DIP2C: variants seen among roughly 807,000 people sequenced by gnomAD.
DIP2C encodes DIP2 acetate--CoA ligase C (putative), also known as disco-interacting protein 2 homolog C.
A neutral mutation model predicts 192.4 loss-of-function variants in DIP2C; 33 were observed. The observed-to-expected ratio is 0.17, with a 90% confidence interval of 0.13 to 0.23. The LOEUF (loss-of-function observed/expected upper bound fraction) is 0.23, where lower values mean the gene tolerates loss of function less well. Ranked by LOEUF, DIP2C falls within the 10% of genes least tolerant of loss-of-function variation. The probability of loss-of-function intolerance (pLI) is 1.00; values close to 1 mark genes in which losing one functional copy is unlikely to be tolerated. For synonymous variants in DIP2C, 979 were observed against 864.1 expected, an observed-to-expected ratio of 1.13 and a Z score of -2.33; for missense variants, 1,537 against 2,110.1, an observed-to-expected ratio of 0.73 and a Z score of 5.32.
chr10:510,150 CTGAG>C (rs1413258182), intron 1 of DIP2C, among the ~76,000 whole-genome samples: 18 of 152,236 alleles, frequency 1.2e-4, no homozygotes, highest in Non-Finnish European at 2.6e-4. Flanking sequence ...CTGAAACTGA[CTGAG>C]TCCCTTCTAG....
At chr10:605,486 G>A (rs1413809427) in intron 1 of DIP2C, among the ~76,000 whole-genome samples, 5 of 152,080 alleles carry the variant, frequency 3.3e-5, no homozygotes, top group Non-Finnish European at 5.9e-5. Flanking sequence ...CCCGCCCTTC[G>A]CACCACATAA....
At chr10:646,876 T>C (rs1296939128) in intron 1 of DIP2C, among the ~76,000 whole-genome samples, 3 of 152,232 alleles carry the variant, frequency 2.0e-5, no homozygotes, top group African/African-American at 7.2e-5. Context: ...ACAGACTCGG[T>C]TGGTAATTTC....
At chr10:315,077 T>C (rs1260844776) in intron 31 of DIP2C, among the ~76,000 whole-genome samples, 1 of 152,238 alleles carries the variant, frequency 6.6e-6, no homozygotes, top group Non-Finnish European at 1.5e-5. Context: ...TGTGTATTTT[T>C]TGAATGATTT....
chr10:356,246 A>T, intron 24 of DIP2C, 180 bp downstream of exon 24: 1 of 724,896 alleles, frequency 1.4e-6, no homozygotes, highest in Non-Finnish European at 2.4e-6. Context: ...ATAACTGCAC[A>T]AATGGTTACG....
intron 1 of DIP2C, among the ~76,000 whole-genome samples, chr10:570,697 G>A (rs1588483730): frequency 6.6e-6 from 1 of 152,312 alleles, no homozygotes; most frequent in East Asian, 1.9e-4. Context: ...CCATCCAACT[G>A]ATTAAAGTCT....
intron 4 of DIP2C, among the ~76,000 whole-genome samples, chr10:436,124 C>G (rs1401655609): frequency 2.6e-5 from 4 of 152,234 alleles, no homozygotes; most frequent in African/African-American, 9.6e-5. Flanking sequence ...ACCGGGCGCA[C>G]TTCATGTACT....
chr10:477,615 G>A (rs1252926305), intron 2 of DIP2C, among the ~76,000 whole-genome samples: 1 of 100,368 alleles, frequency 1.0e-5, no homozygotes, highest in African/African-American at 3.5e-5. Flanking sequence ...GTGGATGGGT[G>A]GGAGGAAGGT....
chr10:383,735 G>A (rs1405091518), intron 16 of DIP2C, among the ~76,000 whole-genome samples: 1 of 152,096 alleles, frequency 6.6e-6, no homozygotes, highest in Non-Finnish European at 1.5e-5. Flanking sequence ...GTCAGCAAAG[G>A]AACTTTCTCT....
At chr10:309,745 T>G (rs979237574) in intron 32 of DIP2C, among the ~76,000 whole-genome samples, 4 of 151,954 alleles carry the variant, frequency 2.6e-5, no homozygotes, top group Non-Finnish European at 5.9e-5. Context: ...GAGACGGGGC[T>G]TTACCATGTT....
At chr10:437,955 G>C (rs138904090) in intron 4 of DIP2C, 14 of 152,296 alleles carry the variant, frequency 9.2e-5, no homozygotes, top group African/African-American at 3.4e-4. Context: ...AGTAAGCAGG[G>C]TAATAAACAT....
intron 31 of DIP2C, among the ~76,000 whole-genome samples, chr10:310,803 A>G (rs953140273): frequency 6.6e-6 from 1 of 152,216 alleles, no homozygotes; most frequent in Non-Finnish European, 1.5e-5. Context: ...TACACAGAAG[A>G]GCAGCATCAC....
intron 10 of DIP2C, among the ~76,000 whole-genome samples, chr10:396,663 T>C (rs553699708): frequency 6.6e-6 from 1 of 151,672 alleles, no homozygotes; most frequent in East Asian, 2.0e-4. Flanking sequence ...AGGACTGGGG[T>C]TAACTATAGT....
chr10:636,748 C>A lies in DIP2C; in HGVS notation c.85+52746G>T, dbSNP rs1297391904. On this transcript the variant is annotated intron_variant, in intron 1 of 36. Transcript: ENST00000280886. This position sits in a 1 kb window ranked among gnomAD's most constrained non-coding sequence, Gnocchi z 4.6. ...TCGAGAGTCTGGGGCCAACGTCCTGCAGAACGTCCCCCAGATGCATCTGTC... is the reference window on the plus strand; with the variant it reads ...TCGAGAGTCTGGGGCCAACGTCCTGAAGAACGTCCCCCAGATGCATCTGTC... Among the ~76,000 whole-genome samples, 1 of 152,224 alleles carries A rather than the reference C, an allele frequency of 6.6e-6. No homozygotes were observed. The highest frequency in any genetic ancestry group is 1.5e-5 in the Non-Finnish European group (1 of 68,048).
rs187729008 is a variant in DIP2C, at chr10:468,661, G to A, written c.268+3778C>T. Among the ~76,000 whole-genome samples, 435 of 152,260 alleles carry A rather than the reference G, an allele frequency of 2.9e-3. 2 individuals are homozygous for A. The highest frequency in any genetic ancestry group is 5.0e-3 in the East Asian group (26 of 5,174). ...TGTAATCCCAGCTACTTGAGAGGCC[G>A]AGGCAGGAGAATCGCTTGAACCCAC... On this transcript the variant is annotated intron_variant, in intron 3 of 36. Transcript: ENST00000280886.
At chr10:511,482 G>A (rs560886526) in intron 1 of DIP2C, among the ~76,000 whole-genome samples, 96 of 152,304 alleles carry the variant, frequency 6.3e-4, no homozygotes, top group Non-Finnish European at 1.1e-3. Context: ...ATCCTTCAAT[G>A]CTGCTTAAAC....
chr10:308,484 G>A (rs1956426258), intron 32 of DIP2C, among the ~76,000 whole-genome samples: 2 of 149,710 alleles, frequency 1.3e-5, no homozygotes, highest in South Asian at 4.1e-4. Context: ...ACTCCTTCAG[G>A]AAGTTATATA....
chr10:396,963 A>G (rs1589699926), intron 10 of DIP2C, among the ~76,000 whole-genome samples: 1 of 152,188 alleles, frequency 6.6e-6, no homozygotes, highest in Non-Finnish European at 1.5e-5. Flanking sequence ...GGCTTTGTAC[A>G]TAGGAAATGA....
rs1831466301 is a variant in DIP2C, at chr10:689,476, G to A, written c.85+18C>T. On this transcript the variant is annotated intron_variant, in intron 1 of 36. Coordinates refer to ENST00000280886, the MANE Select transcript of DIP2C (RefSeq NM_014974.3). The surrounding 1 kb of genome is among the most constrained non-coding windows in gnomAD (Gnocchi z 6.1). ...CCCGGTGACAGCGCGGCCCGGCCCG[G>A]GGCGGGGGCCCGGTTACCTTCCGAC... is the stretch of plus-strand genomic sequence containing the variant. The A allele has an allele frequency of 1.7e-6, 2 of 1,187,368 alleles. No individual in the cohort carries two copies. Among genetic ancestry groups the A allele is most frequent in the Non-Finnish European group, 2.1e-6 (2 of 945,880 alleles). The allele number at this position is 1,187,368 out of a possible 1,614,324, so 73.6% of individuals were successfully genotyped here.
At chr10:661,391 G>A (rs1200154059) in intron 1 of DIP2C, among the ~76,000 whole-genome samples, 4 of 152,238 alleles carry the variant, frequency 2.6e-5, no homozygotes, top group Non-Finnish European at 4.4e-5. Flanking sequence ...CTGGCTACCC[G>A]TGTGAGGCTC....
Sources: gnomAD v4.1 joint callset for allele counts (sites outside exome capture counted in the v4.1 genomes callset) on GRCh38, gnomAD v4.1.1 for gene constraint, Gnocchi (gnomAD v3.1) non-coding constraint, MANE v1.5 for transcripts, NCBI Gene and HGNC (gene_info 2026-07-23, HGNC 2026-07-21) for gene names.